Variants in KLRG1 observed in about 807,000 individuals in gnomAD.
KLRG1 encodes the protein killer cell lectin-like receptor subfamily G member 1.
Under a neutral mutation model 21.8 loss-of-function variants are expected in KLRG1, and 16 were observed. The observed-to-expected ratio is 0.73, with a 90% CI of 0.50 to 1.11. The LOEUF (loss-of-function observed/expected upper bound fraction) is 1.11. KLRG1 is among the 50% of genes most tolerant of loss of function. The pLI, the probability that KLRG1 is intolerant of heterozygous loss-of-function variation, is 0.00. For synonymous variants in KLRG1, 69 were observed against 75.9 expected, an observed-to-expected ratio of 0.91 and a Z score of 0.47; for missense variants, 173 against 218.3, an observed-to-expected ratio of 0.79 and a Z score of 1.31.
At chr12:9,142,419 A>C in the KLRG1 span, among the ~76,000 whole-genome samples, 1 of 152,214 alleles carries the variant, frequency 6.6e-6, no homozygotes, top group Non-Finnish European at 1.5e-5. Context: ...ATAAGTATGA[A>C]ATTGCTTGAT....
the KLRG1 span, chr12:9,159,958 GC>G: frequency 6.2e-7 from 1 of 1,613,294 alleles, no homozygotes; most frequent in Non-Finnish European, 8.5e-7. Context: ...CCTGGTTCCT[GC>G]CATATCGTTC....
the KLRG1 span, chr12:9,154,602 T>G: frequency 8.1e-6 from 13 of 1,611,918 alleles, no homozygotes; most frequent in African/African-American, 1.7e-4. Flanking sequence ...GAAGACTCTT[T>G]GGGAACCACT....
At chr12:9,200,779 A>C in the KLRG1 span, 1 of 1,127,548 alleles carries the variant, frequency 8.9e-7, no homozygotes, top group Non-Finnish European at 1.3e-6. Context: ...TAGAAGCAGT[A>C]AGTCTGACTC....
chr12:9,039,901 G>A, the KLRG1 span, among the ~76,000 whole-genome samples: 34 of 152,282 alleles, frequency 2.2e-4, 1 homozygote, highest in East Asian at 5.6e-3. Context: ...AAATGCCTGC[G>A]CAATGCATTC....
chr12:9,201,350 A>G, the KLRG1 span: 2 of 1,557,320 alleles, frequency 1.3e-6, no homozygotes, highest in Admixed American at 1.8e-5. Context: ...AGTGGAATCT[A>G]TATGATAAAA....
chr12:8,983,255 T>C (rs138487807), intron 1 of KLRG1, among the ~76,000 whole-genome samples: 323 of 152,232 alleles, frequency 2.1e-3, no homozygotes, highest in Non-Finnish European at 3.1e-3. Context: ...AGAACTTCTT[T>C]TAGCATTTCT....
intron 3 of KLRG1, among the ~76,000 whole-genome samples, chr12:9,001,745 T>A (rs1241863275): frequency 6.6e-6 from 1 of 152,208 alleles, no homozygotes; most frequent in East Asian, 1.9e-4. Flanking sequence ...CATCTCATGA[T>A]GATTTGGGGT....
the KLRG1 span, chr12:9,079,979 GA>G: frequency 2.2e-6 from 2 of 928,926 alleles, no homozygotes; most frequent in South Asian, 5.2e-5. Context: ...GCCCAAAGAA[GA>G]AGAGAAGAAA....
At chr12:9,169,942 A>T in the KLRG1 span, 1 of 163,486 alleles carries the variant, frequency 6.1e-6, no homozygotes, top group African/African-American at 2.4e-5. Flanking sequence ...ATTTAGCTAC[A>T]TATTATTATT....
the KLRG1 span, among the ~76,000 whole-genome samples, chr12:9,140,913 C>A: frequency 1.8e-3 from 272 of 152,228 alleles, 1 homozygote; most frequent in Non-Finnish European, 2.8e-3. Flanking sequence ...GGTAAAATAA[C>A]CAGTTTTTCA....
chr12:9,034,919 T>C, the KLRG1 span, among the ~76,000 whole-genome samples: 1 of 152,158 alleles, frequency 6.6e-6, no homozygotes, highest in Non-Finnish European at 1.5e-5. Context: ...GAACTCCCAG[T>C]GGGACAAGAT....
chr12:9,193,609 C>A, the KLRG1 span, among the ~76,000 whole-genome samples: 3 of 152,106 alleles, frequency 2.0e-5, no homozygotes, highest in Non-Finnish European at 4.4e-5. Flanking sequence ...TATTTATTGA[C>A]ACTGAAATCC....
chr12:9,100,675 T>C, the KLRG1 span, among the ~76,000 whole-genome samples: 1 of 152,216 alleles, frequency 6.6e-6, no homozygotes, highest in African/African-American at 2.4e-5. Context: ...TTGTTTTCCC[T>C]CCCTCAACTT....
intron 1 of KLRG1, among the ~76,000 whole-genome samples, chr12:8,990,987 G>A (rs1946949306): frequency 6.6e-6 from 1 of 151,920 alleles, no homozygotes; most frequent in African/African-American, 2.4e-5. Flanking sequence ...ATTTATGAAG[G>A]CATCTCTCAT....
the KLRG1 span, among the ~76,000 whole-genome samples, chr12:9,146,530 T>G: frequency 3.3e-5 from 5 of 152,204 alleles, no homozygotes; most frequent in African/African-American, 1.2e-4. Context: ...ATTTTGTTCC[T>G]CTTTAAAGGA....
chr12:9,201,082 G>A, the KLRG1 span: 15 of 1,612,628 alleles, frequency 9.3e-6, no homozygotes, highest in Non-Finnish European at 1.3e-5. Context: ...CAAGAAACAT[G>A]GGCGGTAATC....
chr12:9,182,005 T>A, the KLRG1 span: 22 of 1,613,724 alleles, frequency 1.4e-5, no homozygotes, highest in African/African-American at 4.0e-5. Context: ...CAATCTCAAA[T>A]TTTTCAGAGT....
the KLRG1 span, among the ~76,000 whole-genome samples, chr12:9,191,249 G>A: frequency 6.6e-6 from 1 of 152,074 alleles, no homozygotes. Context: ...TTCTGTGAAT[G>A]TGATACATAG....
chr12:9,091,415 G>T, the KLRG1 span: 1 of 1,614,014 alleles, frequency 6.2e-7, no homozygotes, highest in Non-Finnish European at 8.5e-7. Context: ...TCCTACCTCA[G>T]CCACACCTGC....
Sources: allele counts gnomAD v4.1 joint callset (sites outside exome capture counted in the v4.1 genomes callset), GRCh38; gene constraint gnomAD v4.1.1; transcripts MANE v1.5; gene names NCBI Gene and HGNC (gene_info 2026-07-23, HGNC 2026-07-21).